PCGF5: variants seen among roughly 807,000 people sequenced by gnomAD.
PCGF5 encodes the protein polycomb group ring finger 5.
Under a neutral mutation model 44.3 loss-of-function variants are expected in PCGF5, and 9 were observed. The observed-to-expected ratio is 0.20, with a 90% CI of 0.12 to 0.35. PCGF5 has a LOEUF of 0.35. Ranked by LOEUF, PCGF5 falls within the 10% of genes least tolerant of loss-of-function variation. The pLI is 1.00. For synonymous variants in PCGF5, 95 were observed against 102.5 expected, an observed-to-expected ratio of 0.93 and a Z score of 0.44; for missense variants, 146 against 305.3, an observed-to-expected ratio of 0.48 and a Z score of 3.89.
chr10:91,223,874 T>C (rs1262558855), intron 2 of PCGF5, among the ~76,000 whole-genome samples: 1 of 152,192 alleles, frequency 6.6e-6, no homozygotes, highest in Non-Finnish European at 1.5e-5. Context: ...TTGTCTAGTC[T>C]CATAGCTAAT....
chr10:91,194,503 C>T (rs1844091286), intron 1 of PCGF5, among the ~76,000 whole-genome samples: 2 of 152,210 alleles, frequency 1.3e-5, no homozygotes, highest in South Asian at 4.1e-4. Flanking sequence ...GAACACAACC[C>T]TGCAAACCCT....
At chr10:91,227,498 G>T in intron 2 of PCGF5, 2 of 1,271,614 alleles carry the variant, frequency 1.6e-6, no homozygotes, top group Non-Finnish European at 1.0e-6. Flanking sequence ...GCAAAGTCCT[G>T]CTGGTCTCTC....
At position 91,239,109 on chromosome 10, in the gene PCGF5, C is replaced by T. The variant is rs76948440; in HGVS notation, c.113-1375C>T. Among the ~76,000 whole-genome samples, 1,063 of 152,176 alleles carry T rather than the reference C, an allele frequency of 7.0e-3. 14 individuals carry two copies. The highest frequency in any genetic ancestry group is 0.023 in the African/African-American group (948 of 41,496). On this transcript the variant is annotated intron_variant, in intron 2 of 9. Coordinates refer to ENST00000336126, the MANE Select transcript of PCGF5 (RefSeq NM_032373.5). ...TAGCTGCCGGCTCCCAGCACCCTGT[C>T]TCTATCTTATTTTTGGGGGGCGGAG...
At chr10:91,248,857 T>G in intron 5 of PCGF5, 133 bp downstream of exon 5, 1 of 736,282 alleles carries the variant, frequency 1.4e-6, no homozygotes, top group South Asian at 1.8e-5. Flanking sequence ...TTATTTACAT[T>G]ACGAACCTTT....
intron 1 of PCGF5, among the ~76,000 whole-genome samples, chr10:91,174,003 GATAGT>G (rs1362771548): frequency 6.6e-6 from 1 of 151,820 alleles, no homozygotes; most frequent in African/African-American, 2.4e-5. Flanking sequence ...GAAAATGCTT[GATAGT>G]TATCAAGGTA....
At chr10:91,254,203 C>CGTGTGTGTGTGTGTGT (rs148669111) in intron 6 of PCGF5, among the ~76,000 whole-genome samples, 14 of 147,942 alleles carry the variant, frequency 9.5e-5, no homozygotes, top group African/African-American at 2.5e-4. Flanking sequence ...CCCTCCACCT[C>CGTGTGTGTGTGTGTGT]GTGTGTGTGT....
At position 91,238,581 on chromosome 10, in the gene PCGF5, A is replaced by ATTTCTTTCTTTC. The variant is rs1213535596; in HGVS notation, c.113-1891_113-1880dup. ...AGGCTTTTAAAATCCCTCCACTCTC[A>ATTTCTTTCTTTC]TTTCTTTCTTTCTTTCTTTCTTTTT... On this transcript the variant is annotated intron_variant, in intron 2 of 9. Coordinates refer to ENST00000336126, the MANE Select transcript of PCGF5 (RefSeq NM_032373.5). Among the ~76,000 whole-genome samples the ATTTCTTTCTTTC allele has an allele frequency of 4.9e-3, 358 of 73,208 alleles. 16 individuals carry two copies. Among genetic ancestry groups the ATTTCTTTCTTTC allele is most frequent in the African/African-American group, 0.019 (334 of 17,396 alleles). The allele number at this position is 73,208 out of a possible 152,430, so 48.0% of individuals were successfully genotyped here.
intron 6 of PCGF5, among the ~76,000 whole-genome samples, chr10:91,258,235 G>T (rs1302576732): frequency 6.6e-6 from 1 of 152,086 alleles, no homozygotes; most frequent in Non-Finnish European, 1.5e-5. Context: ...GTACAACTTT[G>T]CGAATAGTAT....
chr10:91,258,539 A>G (rs919910373), intron 6 of PCGF5, among the ~76,000 whole-genome samples: 2 of 152,146 alleles, frequency 1.3e-5, no homozygotes, highest in Admixed American at 6.6e-5. Context: ...ATCAACCTAC[A>G]CCCTTATATT....
At chr10:91,190,491 G>A (rs367997859) in intron 1 of PCGF5, among the ~76,000 whole-genome samples, 2 of 152,104 alleles carry the variant, frequency 1.3e-5, no homozygotes, top group Admixed American at 1.3e-4. Flanking sequence ...ATGAGATTTG[G>A]TCTAAATTAT....
intron 1 of PCGF5, among the ~76,000 whole-genome samples, chr10:91,207,102 A>T (rs552046147): frequency 6.6e-6 from 1 of 152,196 alleles, no homozygotes; most frequent in Non-Finnish European, 1.5e-5. Flanking sequence ...TAGGAGGTGC[A>T]TTTTCTAAGA....
chr10:91,244,964 G>T (rs1564647284), intron 3 of PCGF5, among the ~76,000 whole-genome samples: 1 of 152,156 alleles, frequency 6.6e-6, no homozygotes, highest in Non-Finnish European at 1.5e-5. Flanking sequence ...CTCAAAGGGA[G>T]AGGTCTGGGC....
upstream of PCGF5, among the ~76,000 whole-genome samples, chr10:91,216,142 A>G (rs1844534765): frequency 6.6e-6 from 1 of 152,214 alleles, no homozygotes; most frequent in Non-Finnish European, 1.5e-5. Flanking sequence ...CAGATGAGTA[A>G]ATCAGATAAT....
upstream of PCGF5, among the ~76,000 whole-genome samples, chr10:91,162,739 G>T (rs1332969477): frequency 6.6e-6 from 1 of 151,418 alleles, no homozygotes; most frequent in African/African-American, 2.4e-5. Flanking sequence ...GGCCTGGCGG[G>T]CGGCGGCGAG....
chr10:91,161,706 A>G (rs1843387200), upstream of PCGF5, among the ~76,000 whole-genome samples: 1 of 152,216 alleles, frequency 6.6e-6, no homozygotes, highest in Admixed American at 6.5e-5. Flanking sequence ...AATGGAGGGC[A>G]TGCTCAGTTT....
chr10:91,172,656 G>A (rs143953412), intron 1 of PCGF5, among the ~76,000 whole-genome samples: 349 of 152,300 alleles, frequency 2.3e-3, no homozygotes, highest in Middle Eastern at 0.01. Context: ...GGTTACCCTT[G>A]AACATAGGTT....
At chr10:91,267,543 T>G (rs1846076328) in intron 8 of PCGF5, among the ~76,000 whole-genome samples, 1 of 152,212 alleles carries the variant, frequency 6.6e-6, no homozygotes, top group Non-Finnish European at 1.5e-5. Flanking sequence ...TACAAGGTAA[T>G]GGTTATGCAA....
intron 9 of PCGF5, among the ~76,000 whole-genome samples, chr10:91,274,872 G>C (rs1846268228): frequency 6.6e-6 from 1 of 152,172 alleles, no homozygotes; most frequent in Non-Finnish European, 1.5e-5. Context: ...TGCAGATCTA[G>C]TAGGGCTTAT....
rs74150619 is a variant in PCGF5, at chr10:91,258,721, G to A, written c.475-2605G>A. Among the ~76,000 whole-genome samples, 1,503 of 152,228 alleles carry A rather than the reference G, an allele frequency of 9.9e-3. 21 individuals are homozygous for A. The highest frequency in any genetic ancestry group is 0.034 in the African/African-American group (1,432 of 41,530). On this transcript the variant is annotated intron_variant, in intron 6 of 9. Transcript: ENST00000336126. ...TGTTTTCATGCTGTCTAGAATATCC[G>A]TCTTCACATTTGAAATGGGTAGAAT...
Sources: gnomAD v4.1 joint callset for allele counts (sites outside exome capture counted in the v4.1 genomes callset) on GRCh38, gnomAD v4.1.1 for gene constraint, MANE v1.5 for transcripts, NCBI Gene and HGNC (gene_info 2026-07-23, HGNC 2026-07-21) for gene names.